Variants in CPNE4 observed in about 807,000 individuals in gnomAD.
The protein encoded by CPNE4 is copine-4.
In CPNE4, 25 loss-of-function variants were observed where a neutral mutation model predicts 67.9. That is an observed-to-expected ratio of 0.37 (90% CI 0.27 to 0.51). The LOEUF is 0.51. CPNE4 is among the 20% of genes least tolerant of loss of function. The pLI is 0.93. For synonymous variants in CPNE4, 242 were observed against 244.9 expected (o/e 0.99, Z 0.11); for missense variants, 464 against 690.8 (o/e 0.67, Z 3.68).
intron 5 of CPNE4, among the ~76,000 whole-genome samples, chr3:131,692,669 A>G (rs1286621613): frequency 6.6e-6 from 1 of 152,178 alleles, no homozygotes; most frequent in Non-Finnish European, 1.5e-5. Context: ...TGCAAAACCT[A>G]AAATATTTAT....
chr3:131,542,975 A>T, intron 14 of CPNE4, 182 bp from the exon 15 acceptor site: 1 of 577,734 alleles, frequency 1.7e-6, no homozygotes, highest in Non-Finnish European at 3.1e-6. Flanking sequence ...AATGGAGCTT[A>T]AAGGTAGGCA....
At chr3:131,576,900 G>A (rs768514110) in intron 9 of CPNE4, among the ~76,000 whole-genome samples, 76 of 152,134 alleles carry the variant, frequency 5.0e-4, no homozygotes, top group South Asian at 1.2e-3. Context: ...TTGGCTTGGT[G>A]TGTGAGAGTT....
chr3:132,001,553 G>GAAAGAGAGAAAGAA, intron 1 of CPNE4, among the ~76,000 whole-genome samples: 1 of 101,858 alleles, frequency 9.8e-6, no homozygotes, highest in East Asian at 3.0e-4. Flanking sequence ...AAAGAAAAAA[G>GAAAGAGAGAAAGAA]AGAAAGAAAG....
rs181533103 is a variant in CPNE4, at chr3:131,638,434, G to A, written c.681+31241C>T. On this transcript the variant is annotated intron_variant, in intron 7 of 15. Coordinates refer to ENST00000429747, the MANE Select transcript of CPNE4 (RefSeq NM_130808.3). ...AGTTAAAAAAGACAAAGAGGTGATA[G>A]TATAATGATAAAAGGACTAGTCCAA... is the stretch of plus-strand genomic sequence containing the variant. Among the ~76,000 whole-genome samples, 370 of 152,160 alleles carry A rather than the reference G, an allele frequency of 2.4e-3. 1 individual carries two copies. Among genetic ancestry groups the A allele is most frequent in the African/African-American group, 7.8e-3 (326 of 41,546 alleles).
chr3:131,866,484 T>A (rs2086956817), intron 2 of CPNE4, among the ~76,000 whole-genome samples: 1 of 152,160 alleles, frequency 6.6e-6, no homozygotes, highest in African/African-American at 2.4e-5. Context: ...CCAAACTTTT[T>A]CAGGAATCCC....
At chr3:131,731,027 C>T (rs2082116064) in intron 2 of CPNE4, among the ~76,000 whole-genome samples, 1 of 152,172 alleles carries the variant, frequency 6.6e-6, no homozygotes, top group African/African-American at 2.4e-5. Context: ...ACCCATCAAG[C>T]AGTAAAACCT....
At chr3:131,785,359 C>T (rs560723166) in intron 2 of CPNE4, among the ~76,000 whole-genome samples, 21 of 152,234 alleles carry the variant, frequency 1.4e-4, no homozygotes, top group African/African-American at 4.3e-4. Context: ...CTCTCTTCTT[C>T]CAGATACCGG....
At chr3:131,579,824 G>A (rs1937674677) in intron 9 of CPNE4, among the ~76,000 whole-genome samples, 1 of 152,200 alleles carries the variant, frequency 6.6e-6, no homozygotes, top group African/African-American at 2.4e-5. Context: ...GATAAACAAA[G>A]AAAGTGGTTT....
intron 2 of CPNE4, among the ~76,000 whole-genome samples, chr3:131,889,877 C>G (rs78867992): frequency 0.024 from 3,718 of 152,158 alleles, 144 homozygotes; most frequent in African/African-American, 0.084. Context: ...ATTGGGAAAG[C>G]CAGATGTCCA....
intron 1 of CPNE4, among the ~76,000 whole-genome samples, chr3:132,030,402 A>G (rs2074211824): frequency 6.6e-6 from 1 of 152,214 alleles, no homozygotes; most frequent in African/African-American, 2.4e-5. Context: ...GCTGCAGACA[A>G]TGACTTTGTA....
intron 2 of CPNE4, among the ~76,000 whole-genome samples, chr3:131,812,979 G>T (rs2084595655): frequency 1.3e-5 from 2 of 152,178 alleles, no homozygotes; most frequent in South Asian, 2.1e-4. Flanking sequence ...AATGAATAAG[G>T]ATACTTAAAG....
At chr3:131,865,587 G>T (rs1173434208) in intron 2 of CPNE4, among the ~76,000 whole-genome samples, 2 of 152,032 alleles carry the variant, frequency 1.3e-5, no homozygotes, top group Non-Finnish European at 2.9e-5. Context: ...TTATGTGCCT[G>T]GCTCCTCCAC....
At chr3:131,749,630 T>A (rs2082575025) in intron 2 of CPNE4, among the ~76,000 whole-genome samples, 2 of 152,166 alleles carry the variant, frequency 1.3e-5, no homozygotes, top group Non-Finnish European at 2.9e-5. Flanking sequence ...AATTTGAAAC[T>A]GTTGTTTCAT....
chr3:131,819,272 C>A (rs375960759), intron 2 of CPNE4, among the ~76,000 whole-genome samples: 5 of 152,184 alleles, frequency 3.3e-5, no homozygotes, highest in Admixed American at 2.0e-4. Context: ...TTTATCTCAA[C>A]ATAATTTTCA....
At chr3:131,660,656 A>G (rs2080100301) in intron 7 of CPNE4, among the ~76,000 whole-genome samples, 1 of 152,186 alleles carries the variant, frequency 6.6e-6, no homozygotes, top group South Asian at 2.1e-4. Context: ...TTCCAATGCC[A>G]CTGACTAGCT....
intron 13 of CPNE4, among the ~76,000 whole-genome samples, chr3:131,550,409 T>A (rs1385621980): frequency 6.6e-6 from 1 of 152,112 alleles, no homozygotes; most frequent in African/African-American, 2.4e-5. Context: ...AAACAGAGGC[T>A]TAGAGATGTT....
intron 2 of CPNE4, among the ~76,000 whole-genome samples, chr3:131,902,682 T>C (rs1259277124): frequency 1.3e-5 from 2 of 152,134 alleles, no homozygotes; most frequent in East Asian, 1.9e-4. Flanking sequence ...AGAATATGCA[T>C]GCCAGAAGAA....
chr3:131,777,697 T>A (rs1020931247), intron 2 of CPNE4, among the ~76,000 whole-genome samples: 1 of 152,038 alleles, frequency 6.6e-6, no homozygotes, highest in African/African-American at 2.4e-5. Context: ...GTATTACACT[T>A]TATTGGCACT....
chr3:131,823,701 C>A (rs16837883), intron 2 of CPNE4, among the ~76,000 whole-genome samples: 2,243 of 152,262 alleles, frequency 0.015, 26 homozygotes, highest in Non-Finnish European at 0.024. Context: ...GGCCAAGTTG[C>A]CTTCATCAGC....
Sources: allele counts gnomAD v4.1 joint callset (sites outside exome capture counted in the v4.1 genomes callset), GRCh38; gene constraint gnomAD v4.1.1; transcripts MANE v1.5; gene names NCBI Gene and HGNC (gene_info 2026-07-23, HGNC 2026-07-21).